The following TRPS1 variants were observed in gnomAD, a reference collection of about 807,000 sequenced individuals.
TRPS1 encodes the protein transcriptional repressor GATA binding 1, also known as zinc finger transcription factor Trps1.
Under a neutral mutation model 101.2 loss-of-function variants are expected in TRPS1, and 6 were observed. The observed-to-expected ratio is 0.06, with a 90% confidence interval of 0.03 to 0.12. The LOEUF is 0.12. TRPS1 is among the 10% of genes least tolerant of loss of function. The probability of loss-of-function intolerance (pLI) is 1.00; values close to 1 mark genes in which losing one functional copy is unlikely to be tolerated. For missense variants in TRPS1, 1,363 were observed against 1,567.0 expected (o/e 0.87, Z 2.20); for synonymous variants, 578 against 589.8 (o/e 0.98, Z 0.29).
chr8:115,656,771 G>A (rs957070865), intron 1 of TRPS1, among the ~76,000 whole-genome samples: 34 of 151,952 alleles, frequency 2.2e-4, no homozygotes, highest in Non-Finnish European at 2.1e-4. Context: ...AATTTCTGAT[G>A]CATCAAAACA....
intron 5 of TRPS1, among the ~76,000 whole-genome samples, chr8:115,534,501 A>G (rs1195949276): frequency 3.3e-5 from 5 of 152,254 alleles, no homozygotes; most frequent in Admixed American, 6.5e-5. Flanking sequence ...CCTCAATACC[A>G]TCATACTGGA....
intron 5 of TRPS1, among the ~76,000 whole-genome samples, chr8:115,436,797 T>C (rs112763163): frequency 1.2e-3 from 180 of 152,260 alleles, no homozygotes; most frequent in South Asian, 4.8e-3. Context: ...GTAACAAGAA[T>C]GTAAGGCACA....
intron 5 of TRPS1, among the ~76,000 whole-genome samples, chr8:115,546,862 A>G (rs1816586281): frequency 1.3e-5 from 2 of 152,196 alleles, no homozygotes; most frequent in Admixed American, 1.3e-4. Flanking sequence ...GGTAAAACAG[A>G]AGCACAGATG....
In TRPS1 at chr8:115,491,010, T is replaced by C. The variant is rs1184697401; in HGVS notation, c.2701-72558A>G. On this transcript the variant is annotated intron_variant, in intron 5 of 6. Transcript: ENST00000395715. Reference sequence around the variant, plus strand: ...TACTGGGAGGGACATATATTCTGAATTGTGATTTTTCAGAAAATTCTTCAA... The same window carrying C: ...TACTGGGAGGGACATATATTCTGAACTGTGATTTTTCAGAAAATTCTTCAA... 5.9e-5 allele frequency among the ~76,000 whole-genome samples: 9 copies of C among 152,278 alleles called. 1 individual carries two copies. The South Asian group carries it at 1.0e-3, about 18-fold the overall frequency.
chr8:115,653,243 A>C (rs1425671925), intron 1 of TRPS1, among the ~76,000 whole-genome samples: 1 of 152,192 alleles, frequency 6.6e-6, no homozygotes, highest in Non-Finnish European at 1.5e-5. Flanking sequence ...ATAAGCACTG[A>C]TAGGGTTTCC....
chr8:115,640,902 T>C (rs958930565), intron 1 of TRPS1, among the ~76,000 whole-genome samples: 4 of 152,192 alleles, frequency 2.6e-5, no homozygotes, highest in African/African-American at 9.7e-5. Context: ...AGTCTGACAA[T>C]GGAACTTCTA....
chr8:115,532,996 A>G (rs1352937295), intron 5 of TRPS1, among the ~76,000 whole-genome samples: 7 of 152,198 alleles, frequency 4.6e-5, no homozygotes, highest in Non-Finnish European at 8.8e-5. Flanking sequence ...CTATTGTGAG[A>G]GTTTAGAAAA....
At chr8:115,584,873 C>T (rs1335322344) in intron 5 of TRPS1, among the ~76,000 whole-genome samples, 2 of 152,062 alleles carry the variant, frequency 1.3e-5, no homozygotes, top group Non-Finnish European at 2.9e-5. Flanking sequence ...GGCTACCCTT[C>T]CTATTCCAAA....
rs1449633561 is a variant in TRPS1 at position 115,410,366 on chromosome 8, T to G, written c.*3657A>C. ...TTCAACAAAGAGCTGTTAAAGATAC[T>G]TTTTTCCCTTCTCATTAATATTACC... On this transcript the variant is annotated 3_prime_UTR_variant, in exon 7 of 7. Transcript: ENST00000395715. The G allele has an allele frequency of 6.6e-6, 1 of 152,500 alleles. No individual in the cohort carries two copies. The highest frequency in any genetic ancestry group is 1.5e-5 in the Non-Finnish European group (1 of 67,992). The allele number at this position is 152,500 out of a possible 1,614,324, so 9.4% of individuals were successfully genotyped here.
intron 5 of TRPS1, among the ~76,000 whole-genome samples, chr8:115,452,050 C>T (rs1441648187): frequency 3.9e-5 from 6 of 152,146 alleles, no homozygotes; most frequent in Non-Finnish European, 7.3e-5. Flanking sequence ...CCTATGTTCT[C>T]TCAAAGCTGT....
At position 115,507,435 on chromosome 8, in the gene TRPS1, G is replaced by A. The variant is rs557068490; in HGVS notation, c.2700+79566C>T. On this transcript the variant is annotated intron_variant, in intron 5 of 6. Coordinates refer to ENST00000395715, the MANE Select transcript of TRPS1 (RefSeq NM_014112.5). ...TCAAGACCAGTGTATGTTACTCCTC[G>A]GCTGAAGCCTGATTGATTCTGGTCA... Among the ~76,000 whole-genome samples the A allele has an allele frequency of 6.0e-4, 91 of 151,974 alleles. 2 individuals are homozygous for A. Among genetic ancestry groups the A allele is most frequent in the Middle Eastern group, 3.4e-3 (1 of 294 alleles).
chr8:115,558,919 G>A (rs1383992839), intron 5 of TRPS1, among the ~76,000 whole-genome samples: 2 of 152,090 alleles, frequency 1.3e-5, no homozygotes, highest in African/African-American at 4.8e-5. Context: ...CTTTTACAAA[G>A]ATGCTATACC....
chr8:115,498,413 CTCTATATA>C (rs1293210254), intron 5 of TRPS1, among the ~76,000 whole-genome samples: 406 of 63,272 alleles, frequency 6.4e-3, no homozygotes, highest in Middle Eastern at 9.1e-3. Context: ...CTCTCTCTCT[CTCTATATA>C]TATATATATA....
intron 1 of TRPS1, chr8:115,667,854 C>T (rs1042516499): frequency 1.4e-5 from 21 of 1,535,498 alleles, no homozygotes; most frequent in Non-Finnish European, 1.7e-5. Context: ...TCCCGACCCT[C>T]CCGAGTTCGC....
intron 5 of TRPS1, among the ~76,000 whole-genome samples, chr8:115,469,140 C>CAAAACA (rs376020877): frequency 4.6e-5 from 7 of 152,136 alleles, no homozygotes; most frequent in South Asian, 2.1e-4. Context: ...GACCCTGTCT[C>CAAAACA]AAAACAAAAA....
At chr8:115,529,014 C>G (rs1377795752) in intron 5 of TRPS1, among the ~76,000 whole-genome samples, 1 of 152,008 alleles carries the variant, frequency 6.6e-6, no homozygotes, top group East Asian at 1.9e-4. Flanking sequence ...AACAGTATCA[C>G]TGGCATCATC....
intron 5 of TRPS1, among the ~76,000 whole-genome samples, chr8:115,573,016 C>T (rs1817241600): frequency 6.6e-6 from 1 of 151,718 alleles, no homozygotes. Context: ...CCCAGCTACT[C>T]GGGAGGCTGA....
chr8:115,561,034 A>G (rs930871131), intron 5 of TRPS1, among the ~76,000 whole-genome samples: 1 of 152,172 alleles, frequency 6.6e-6, no homozygotes, highest in African/African-American at 2.4e-5. Context: ...CAAAAGGAAC[A>G]TTAACATTAA....
intron 4 of TRPS1, among the ~76,000 whole-genome samples, chr8:115,602,148 C>CGT (rs111443409): frequency 1.1e-4 from 16 of 150,980 alleles, no homozygotes; most frequent in South Asian, 6.3e-4. Flanking sequence ...AGTGCGTGTG[C>CGT]GTGTGTGTGT....
Sources: gnomAD v4.1 joint callset for allele counts (sites outside exome capture counted in the v4.1 genomes callset) on GRCh38, gnomAD v4.1.1 for gene constraint, MANE v1.5 for transcripts, NCBI Gene and HGNC (gene_info 2026-07-23, HGNC 2026-07-21) for gene names.